AUTS2: variants seen among roughly 807,000 people sequenced by gnomAD.
The protein encoded by AUTS2 is activator of transcription and developmental regulator AUTS2.
A neutral mutation model predicts 112.4 loss-of-function variants in AUTS2; 17 were observed. The observed-to-expected ratio is 0.15, with a 90% CI of 0.10 to 0.23. The LOEUF (loss-of-function observed/expected upper bound fraction) is 0.23, where lower values mean the gene tolerates loss of function less well. Ranked by LOEUF, AUTS2 falls within the 10% of genes least tolerant of loss-of-function variation. The pLI, the probability that AUTS2 is intolerant of heterozygous loss-of-function variation, is 1.00. For synonymous variants in AUTS2, 751 were observed against 702.7 expected, an observed-to-expected ratio of 1.07 and a Z score of -1.09; for missense variants, 1,510 against 1,701.6, an observed-to-expected ratio of 0.89 and a Z score of 1.98.
intron 3 of AUTS2, among the ~76,000 whole-genome samples, chr7:70,129,325 C>T (rs187549241): frequency 2.6e-5 from 4 of 152,196 alleles, no homozygotes; most frequent in Non-Finnish European, 5.9e-5. Flanking sequence ...GAGAGTCAGC[C>T]TTTTGTTCTT....
intron 4 of AUTS2, among the ~76,000 whole-genome samples, chr7:70,149,193 G>A (rs1807294479): frequency 6.6e-6 from 1 of 151,992 alleles, no homozygotes; most frequent in Non-Finnish European, 1.5e-5. Context: ...ATTTTTTTAA[G>A]TTCCAATTTT....
At chr7:70,311,027 T>G (rs1473400350) in intron 4 of AUTS2, among the ~76,000 whole-genome samples, 2 of 152,180 alleles carry the variant, frequency 1.3e-5, no homozygotes, top group African/African-American at 2.4e-5. Flanking sequence ...AAAGTAAATT[T>G]CAAAAGCAGT....
intron 1 of AUTS2, among the ~76,000 whole-genome samples, chr7:69,845,673 G>A (rs1756390950): frequency 6.6e-6 from 1 of 152,152 alleles, no homozygotes. Flanking sequence ...AACGAAGGGA[G>A]GGTCCAGTTC....
At chr7:69,632,403 A>G (rs1038328632) in intron 1 of AUTS2, among the ~76,000 whole-genome samples, 5 of 152,224 alleles carry the variant, frequency 3.3e-5, no homozygotes, top group African/African-American at 7.2e-5. Context: ...AGAAGATGAA[A>G]TAAGTCTGGA....
At position 70,076,124 on chromosome 7, in the gene AUTS2, A is replaced by G. The variant is rs189699959; in HGVS notation, c.523-42008A>G. Among the ~76,000 whole-genome samples the G allele has an allele frequency of 1.8e-3, 281 of 152,358 alleles. 1 individual carries two copies. Among genetic ancestry groups the G allele is most frequent in the African/African-American group, 6.5e-3 (271 of 41,590 alleles). On this transcript the variant is annotated intron_variant, in intron 2 of 18. Transcript: ENST00000342771. Reference sequence around the variant, plus strand: ...AACCCCTGCTTTAGAAGAATATCTTAGATAATGTGTACCTGATATATTCTA... The same window carrying G: ...AACCCCTGCTTTAGAAGAATATCTTGGATAATGTGTACCTGATATATTCTA...
chr7:70,374,862 C>A (rs1009128463), intron 4 of AUTS2, among the ~76,000 whole-genome samples: 1 of 152,028 alleles, frequency 6.6e-6, no homozygotes, highest in Non-Finnish European at 1.5e-5. Context: ...GCACACAGAC[C>A]GTAAGTAGAT....
intron 2 of AUTS2, among the ~76,000 whole-genome samples, chr7:70,069,710 T>C (rs1243833139): frequency 6.7e-6 from 1 of 148,804 alleles, no homozygotes. Context: ...TTTTTTTTGT[T>C]TTTTTTTTTT....
At chr7:70,339,427 C>G (rs1335358425) in intron 4 of AUTS2, among the ~76,000 whole-genome samples, 1 of 152,158 alleles carries the variant, frequency 6.6e-6, no homozygotes, top group Non-Finnish European at 1.5e-5. Flanking sequence ...AAGTAATACT[C>G]TCTTTTTCAG....
chr7:70,079,078 T>C (rs1354610366), intron 2 of AUTS2, among the ~76,000 whole-genome samples: 1 of 152,188 alleles, frequency 6.6e-6, no homozygotes, highest in Non-Finnish European at 1.5e-5. Context: ...CTGCTGCAGA[T>C]TGATAACCAT....
chr7:70,757,764 A>G (rs914767396), intron 6 of AUTS2, among the ~76,000 whole-genome samples: 11 of 141,450 alleles, frequency 7.8e-5, no homozygotes, highest in Non-Finnish European at 1.2e-4. Context: ...CTAAACAGGT[A>G]GTCACTGCTG....
intron 5 of AUTS2, among the ~76,000 whole-genome samples, chr7:70,668,793 A>G (rs1315356734): frequency 6.6e-6 from 1 of 152,182 alleles, no homozygotes; most frequent in African/African-American, 2.4e-5. Context: ...CCGAAAATAG[A>G]CTTTACTCTT....
intron 4 of AUTS2, among the ~76,000 whole-genome samples, chr7:70,183,428 T>C (rs1483986397): frequency 2.6e-5 from 4 of 152,206 alleles, no homozygotes. Flanking sequence ...GACAAATGTG[T>C]TAATTATTGC....
chr7:69,759,192 T>G (rs1161278550), intron 1 of AUTS2, among the ~76,000 whole-genome samples: 3 of 152,132 alleles, frequency 2.0e-5, no homozygotes, highest in African/African-American at 7.2e-5. Context: ...ATTGCTCTGC[T>G]GTACTGTGGT....
At chr7:70,628,335 T>C (rs1339584985) in intron 5 of AUTS2, among the ~76,000 whole-genome samples, 3 of 4,532 alleles carry the variant, frequency 6.6e-4, no homozygotes, top group African/African-American at 1.7e-3. Flanking sequence ...TATACATATA[T>C]ATATAGTATA....
intron 4 of AUTS2, among the ~76,000 whole-genome samples, chr7:70,273,018 A>G (rs1787764132): frequency 6.6e-6 from 1 of 152,068 alleles, no homozygotes; most frequent in East Asian, 1.9e-4. Flanking sequence ...CTCAGAGGGG[A>G]ATTCTAAGTA....
At chr7:70,266,881 C>G (rs1787452392) in intron 4 of AUTS2, among the ~76,000 whole-genome samples, 1 of 152,176 alleles carries the variant, frequency 6.6e-6, no homozygotes, top group African/African-American at 2.4e-5. Context: ...GATGCAGAAA[C>G]AAATCTGCAC....
At chr7:70,534,379 A>C (rs1800221656) in intron 5 of AUTS2, among the ~76,000 whole-genome samples, 1 of 151,200 alleles carries the variant, frequency 6.6e-6, no homozygotes, top group African/African-American at 2.4e-5. Flanking sequence ...AATATCGGGG[A>C]GTTATTGGGA....
intron 4 of AUTS2, among the ~76,000 whole-genome samples, chr7:70,347,716 A>C (rs1234735948): frequency 2.6e-5 from 4 of 152,162 alleles, no homozygotes; most frequent in Non-Finnish European, 5.9e-5. Flanking sequence ...TTAGCTTGTC[A>C]GAAAAATACA....
At chr7:69,920,545 C>G (rs1795769057) in intron 2 of AUTS2, among the ~76,000 whole-genome samples, 1 of 152,304 alleles carries the variant, frequency 6.6e-6, no homozygotes, top group African/African-American at 2.4e-5. Flanking sequence ...CATGGCCTCC[C>G]AAAGTGCTTG....
Sources: gnomAD v4.1 joint callset for allele counts (sites outside exome capture counted in the v4.1 genomes callset) on GRCh38, gnomAD v4.1.1 for gene constraint, MANE v1.5 for transcripts, NCBI Gene and HGNC (gene_info 2026-07-23, HGNC 2026-07-21) for gene names.